OXGR1: variants seen among roughly 807,000 people sequenced by gnomAD.
OXGR1 encodes the protein oxoglutarate receptor 1.
In OXGR1, 10 loss-of-function variants were observed where a neutral mutation model predicts 10.0. The ratio of observed to expected loss-of-function variants is 1.00; its 90% CI spans 0.62 to 1.70. OXGR1 has a LOEUF of 1.70. OXGR1 is among the 40% of genes most tolerant of loss of function. The probability of loss-of-function intolerance (pLI) is 0.00; values close to 1 mark genes in which losing one functional copy is unlikely to be tolerated. For missense variants in OXGR1, 398 were observed against 407.6 expected, an observed-to-expected ratio of 0.98 and a Z score of 0.20; for synonymous variants, 191 against 155.9, an observed-to-expected ratio of 1.22 and a Z score of -1.68.
At chr13:96,988,393 G>A (rs758629994) in intron 3 of OXGR1, among the ~76,000 whole-genome samples, 5 of 152,214 alleles carry the variant, frequency 3.3e-5, no homozygotes, top group Non-Finnish European at 7.4e-5. Context: ...CTCTCAATCT[G>A]TATTTTGTTG....
Position 96,985,955 on chromosome 13 carries a change from G to A in OXGR1, c.*791C>T, listed in dbSNP as rs889145692. On this transcript the variant is annotated 3_prime_UTR_variant, in exon 4 of 4. Transcript: ENST00000541038. Reference sequence around the variant, plus strand: ...CAAAAATCAAAACAGTGTTAGATATGATTGAACACCCAATACATACATGAC... The same window carrying A: ...CAAAAATCAAAACAGTGTTAGATATAATTGAACACCCAATACATACATGAC... 4 of 152,172 alleles carry A rather than the reference G, an allele frequency of 2.6e-5. No homozygotes were observed. Among genetic ancestry groups the A allele is most frequent in the African/African-American group, 9.7e-5 (4 of 41,438 alleles). The allele number at this position is 152,172 out of a possible 1,614,324, so 9.4% of individuals were successfully genotyped here. A position where few individuals can be genotyped will look rare whatever the true frequency, so the allele number is the denominator to read the frequency against.
intron 2 of OXGR1, among the ~76,000 whole-genome samples, chr13:96,991,839 T>C (rs1030579778): frequency 6.6e-6 from 1 of 152,130 alleles, no homozygotes; most frequent in East Asian, 1.9e-4. Flanking sequence ...TAAGTGTCCA[T>C]CCACAGATGA....
Position 96,987,450 on chromosome 13 carries a change from A to C in OXGR1, c.310T>G (p.Phe104Val). The part of the protein sequence containing the change: ...ASGENWIFGD[F>V]MCKFIRFSFH... ...CTGAAGCGGATAAACTTACACATGA[A>C]ATCTCCAAAGATCCAGTTTTCGCCA... The change falls in exon 4 of 4, where the codon TTC becomes GTC. Residue 104 changes from phenylalanine (F) to valine (V), a missense_variant. By Grantham distance (50) the Phe-to-Val change is conservative. Transcript: ENST00000541038. 6.2e-7 allele frequency: 1 copy of C among 1,614,190 alleles called. No individual in the cohort carries two copies. Among genetic ancestry groups the C allele is most frequent in the Admixed American group, 1.7e-5 (1 of 60,020 alleles).
chr13:96,993,525 C>T (rs1882164360), intron 1 of OXGR1, among the ~76,000 whole-genome samples: 1 of 152,056 alleles, frequency 6.6e-6, no homozygotes, highest in African/African-American at 2.4e-5. Flanking sequence ...CCGGCCAATC[C>T]CCAATTCGTT....
chr13:96,989,282 G>A (rs1881935851), intron 3 of OXGR1, among the ~76,000 whole-genome samples: 1 of 152,100 alleles, frequency 6.6e-6, no homozygotes, highest in African/African-American at 2.4e-5. Flanking sequence ...GGAGTACAGA[G>A]GTATATTTCA....
chr13:96,994,038 A>C (rs1295768061), intron 1 of OXGR1, among the ~76,000 whole-genome samples: 1 of 152,138 alleles, frequency 6.6e-6, no homozygotes, highest in Non-Finnish European at 1.5e-5. Context: ...GTTCTCTCCA[A>C]GTCAAATGTC....
At position 96,987,485 on chromosome 13, in the gene OXGR1, T is replaced by C. The variant is rs1389044854; in HGVS notation, c.275A>G (p.Tyr92Cys). Residue 92 changes from tyrosine (Y) to cysteine (C), a missense_variant, in exon 4 of 4, where the codon TAC (tyrosine) becomes TGC (cysteine). Tyr to Cys is a radical substitution (Grantham distance 194). Transcript: ENST00000541038. The part of the protein sequence containing the change: ...YLTSLPFLIH[Y>C]YASGENWIFG... ...GATCCAGTTTTCGCCACTGGCATAG[T>C]AGTGAATCAGGAAGGGGAGGCTGGT... 2 of 1,614,144 alleles carry C rather than the reference T, an allele frequency of 1.2e-6. No individual in the cohort carries two copies. Among genetic ancestry groups the C allele is most frequent in the Admixed American group, 1.7e-5 (1 of 60,024 alleles).
chr13:96,986,822 A>T lies in OXGR1; in HGVS notation c.938T>A (p.Val313Asp), dbSNP rs1221790063. The T allele has an allele frequency of 6.2e-7, 1 of 1,614,190 alleles. No homozygotes were observed. Among genetic ancestry groups the T allele is most frequent in the Admixed American group, 1.7e-5 (1 of 60,012 alleles). Residue 313 changes from valine (V) to aspartate (D), a missense_variant, in exon 4 of 4, where the codon GTC (valine) becomes GAC (aspartate). Physicochemically the swap from Val to Asp is radical, Grantham distance 152. Transcript: ENST00000541038. ...TACTTTGCATCTCACTGTTGAGCAGACAGCCTGCTGAAAGTTGTCGCTGAC... is the reference window on the plus strand; with the variant it reads ...TACTTTGCATCTCACTGTTGAGCAGTCAGCCTGCTGAAAGTTGTCGCTGAC... ...VVVSDNFQQA[V>D]CSTVRCKVSG...
chr13:96,986,698 G>T lies in OXGR1; in HGVS notation c.*48C>A, dbSNP rs544323460. On this transcript the variant is annotated 3_prime_UTR_variant, in exon 4 of 4. Transcript: ENST00000541038. ...ACATCCTGAACATCTTAGGATGCTA[G>T]GTAAAGTATCAGCAAGTATTTGTTT... 2.6e-5 allele frequency: 40 copies of T among 1,539,230 alleles called. No homozygotes were observed. The East Asian group carries it at 3.1e-4, about 12-fold the overall frequency.
chr13:96,986,992 G>A lies in OXGR1; in HGVS notation c.768C>T (p.Pro256=). 2 of 1,614,170 alleles carry A rather than the reference G, an allele frequency of 1.2e-6. No individual in the cohort carries two copies. The highest frequency in any genetic ancestry group is 2.2e-5 in the South Asian group (2 of 91,084). Residue 256 remains proline, a synonymous_variant, in exon 4 of 4, where the codon CCC becomes CCT. Transcript: ENST00000541038. ...TCCGAATGACCCTCAAGATATGGAAGGGTAAAAAACATACGTAAAATGCAA... is the reference window on the plus strand; with the variant it reads ...TCCGAATGACCCTCAAGATATGGAAAGGTAAAAAACATACGTAAAATGCAA... ...LLLAFYVCFL[P]FHILRVIRIE...
chr13:96,986,737 T>C lies in OXGR1; in HGVS notation c.*9A>G. The C allele has an allele frequency of 6.3e-7, 1 of 1,587,898 alleles. No homozygotes were observed. Among genetic ancestry groups the C allele is most frequent in the Non-Finnish European group, 8.6e-7 (1 of 1,169,200 alleles). On this transcript the variant is annotated 3_prime_UTR_variant, in exon 4 of 4. Transcript: ENST00000541038. ...AAGTATTTGTTTTTGGTTAAGTAAA[T>C]GAAATATTTCAAGGGTTGTTTGAGT...
Position 96,987,320 on chromosome 13 carries a change from G to A in OXGR1, c.440C>T (p.Thr147Ile), listed in dbSNP as rs761407524. The A allele has an allele frequency of 2.5e-6, 4 of 1,614,118 alleles. No individual in the cohort carries two copies. The highest frequency in any genetic ancestry group is 3.4e-6 in the Non-Finnish European group (4 of 1,180,054). ...HPMSCFSIHK[T>I]RCAVVACAVV... ...AGCACAGGCTACAACTGCACATCGA[G>A]TTTTGTGAATGGAAAAGCAGCTCAT... The change falls in exon 4 of 4, where the codon ACT (threonine) becomes ATT (isoleucine). Residue 147 changes from threonine to isoleucine, a missense_variant. Coordinates refer to ENST00000541038, the MANE Select transcript of OXGR1 (RefSeq NM_001346194.2).
In OXGR1 at chr13:96,986,304, G is replaced by C. The variant is rs1456201411; in HGVS notation, c.*442C>G. On this transcript the variant is annotated 3_prime_UTR_variant, in exon 4 of 4. Transcript: ENST00000541038. ...AAATATTAAGAAAGATACAAGTAGT[G>C]GTTTGAATTGTCTAATGGTTCAATA... 6.4e-6 allele frequency: 1 copy of C among 156,902 alleles called. No individual in the cohort carries two copies. The highest frequency in any genetic ancestry group is 1.4e-5 in the Non-Finnish European group (1 of 71,288). The allele number at this position is 156,902 out of a possible 1,614,324, so 9.7% of individuals were successfully genotyped here.
In OXGR1 at chr13:96,987,291, C is replaced by T; in HGVS notation, c.469G>A (p.Val157Met). Reference sequence around the variant, plus strand: ...ACAGCTACCAGTGAAATGATCCACACCACAGCACAGGCTACAACTGCACAT... The same window carrying T: ...ACAGCTACCAGTGAAATGATCCACATCACAGCACAGGCTACAACTGCACAT... ...TRCAVVACAV[V>M]WIISLVAVIP... The change falls in exon 4 of 4, where the codon GTG becomes ATG. Residue 157 changes from valine to methionine, a missense_variant. By Grantham distance (21) the Val-to-Met change is conservative. Coordinates refer to ENST00000541038, the MANE Select transcript of OXGR1 (RefSeq NM_001346194.2). The T allele has an allele frequency of 6.2e-7, 1 of 1,614,158 alleles. No homozygotes were observed. The highest frequency in any genetic ancestry group is 1.6e-4 in the Middle Eastern group (1 of 6,062).
intron 2 of OXGR1, among the ~76,000 whole-genome samples, chr13:96,991,571 G>C (rs1169910013): frequency 6.6e-6 from 1 of 152,186 alleles, no homozygotes; most frequent in Non-Finnish European, 1.5e-5. Context: ...TGTGAACTAA[G>C]CTAGGTTCAG....
At chr13:96,988,209 A>G (rs1292253010) in intron 3 of OXGR1, among the ~76,000 whole-genome samples, 1 of 152,166 alleles carries the variant, frequency 6.6e-6, no homozygotes, top group African/African-American at 2.4e-5. Context: ...TTACTTCTAC[A>G]TGTCACAAAA....
At position 96,987,203 on chromosome 13, in the gene OXGR1, A is replaced by G. The variant is rs769869736; in HGVS notation, c.557T>C (p.Leu186Pro). The change falls in exon 4 of 4, where the codon CTC (leucine) becomes CCC (proline). Residue 186 changes from leucine (L) to proline (P), a missense_variant. Leu to Pro is a moderately conservative substitution (Grantham distance 98). Transcript: ENST00000541038. ...NRTNRSACLD[L>P]TSSDELNTIK... Reference sequence around the variant, plus strand: ...AGTATTGAGTTCATCCGAACTGGTGAGGTCGAGACAGGCTGATCTGTTGGT... The same window carrying G: ...AGTATTGAGTTCATCCGAACTGGTGGGGTCGAGACAGGCTGATCTGTTGGT... 1.2e-6 allele frequency: 2 copies of G among 1,614,060 alleles called. No individual in the cohort carries two copies. Among genetic ancestry groups the G allele is most frequent in the African/African-American group, 2.7e-5 (2 of 74,938 alleles).
At chr13:96,989,598 C>T (rs1421202012) in intron 3 of OXGR1, among the ~76,000 whole-genome samples, 160 bp downstream of exon 3, 1 of 152,126 alleles carries the variant, frequency 6.6e-6, no homozygotes, top group Non-Finnish European at 1.5e-5. Flanking sequence ...AACTGAGGCA[C>T]GGAGGAGGCA....
Position 96,986,918 on chromosome 13 carries a change from T to G in OXGR1, c.842A>C (p.His281Pro). Reference protein sequence around the residue: ...SISCSIENQIHEAYIVSRPLA... With the variant: ...SISCSIENQIPEAYIVSRPLA... ...TGGTCTAGAAACGATGTAAGCTTCA[T>G]GGATCTGATTCTCAATGGAACAACT... Residue 281 changes from histidine (H) to proline (P), a missense_variant, in exon 4 of 4, where the codon CAT becomes CCT. Physicochemically the swap from His to Pro is moderately conservative, Grantham distance 77. Coordinates refer to ENST00000541038, the MANE Select transcript of OXGR1 (RefSeq NM_001346194.2). 1 of 1,614,200 alleles carries G rather than the reference T, an allele frequency of 6.2e-7. No homozygotes were observed. Among genetic ancestry groups the G allele is most frequent in the Admixed American group, 1.7e-5 (1 of 60,026 alleles).
Sources: gnomAD v4.1 joint callset for allele counts (sites outside exome capture counted in the v4.1 genomes callset) on GRCh38, gnomAD v4.1.1 for gene constraint, MANE v1.5 for transcripts, NCBI Gene and HGNC (gene_info 2026-07-23, HGNC 2026-07-21) for gene names.